CGNL1: variants seen among roughly 807,000 people sequenced by gnomAD.
CGNL1 encodes cingulin-like protein 1.
Under a neutral mutation model 141.2 loss-of-function variants are expected in CGNL1, and 132 were observed. The ratio of observed to expected loss-of-function variants is 0.93; its 90% CI spans 0.81 to 1.08. CGNL1 has a LOEUF of 1.08. Ranked by LOEUF, CGNL1 falls within the 50% of genes least tolerant of loss-of-function variation. CGNL1 has a pLI of 0.00. For missense variants in CGNL1, 1,870 were observed against 1,588.6 expected (o/e 1.18, Z -3.01); for synonymous variants, 690 against 622.1 (o/e 1.11, Z -1.63).
At chr15:57,440,962 G>A (rs1797377539) in intron 3 of CGNL1, among the ~76,000 whole-genome samples, 1 of 151,662 alleles carries the variant, frequency 6.6e-6, no homozygotes, top group Non-Finnish European at 1.5e-5. Flanking sequence ...TGGTTGAGGT[G>A]GAATAATCAG....
At chr15:57,455,874 G>A (rs2063373214) in intron 7 of CGNL1, among the ~76,000 whole-genome samples, 1 of 152,150 alleles carries the variant, frequency 6.6e-6, no homozygotes, top group Non-Finnish European at 1.5e-5. Flanking sequence ...ACAGGAGTGG[G>A]CAATAGCACA....
intron 1 of CGNL1, among the ~76,000 whole-genome samples, chr15:57,398,770 A>G (rs2152245625): frequency 6.6e-6 from 1 of 152,358 alleles, no homozygotes; most frequent in East Asian, 1.9e-4. Flanking sequence ...AAATGTGGGA[A>G]GAGCATTTTG....
At chr15:57,398,568 A>G (rs1370447488) in intron 1 of CGNL1, 1 of 152,190 alleles carries the variant, frequency 6.6e-6, no homozygotes, top group African/African-American at 2.4e-5. Flanking sequence ...CTCCCAGAAA[A>G]GTAGACGCTG....
intron 1 of CGNL1, among the ~76,000 whole-genome samples, chr15:57,418,916 G>T (rs1816826388): frequency 7.4e-6 from 1 of 134,872 alleles, no homozygotes; most frequent in African/African-American, 2.7e-5. Flanking sequence ...GCGTCAGTGG[G>T]TTTCACTGCC....
rs188391921 is a variant in CGNL1 at position 57,384,702 on chromosome 15, A to G, written c.-16+8135A>G. Reference sequence around the variant, plus strand: ...CTTTCTTTTTTAAAAAAATTGCCATAAACTTTCAAACAAACCTTTAAAGAG... The same window carrying G: ...CTTTCTTTTTTAAAAAAATTGCCATGAACTTTCAAACAAACCTTTAAAGAG... On this transcript the variant is annotated intron_variant, in intron 1 of 18. Coordinates refer to ENST00000281282, the MANE Select transcript of CGNL1 (RefSeq NM_032866.5). 2.6e-5 allele frequency among the ~76,000 whole-genome samples: 4 copies of G among 152,312 alleles called. No homozygotes were observed. The East Asian group carries it at 7.7e-4, about 29-fold the overall frequency.
At chr15:57,505,621 CAG>C (rs2064091264) in intron 8 of CGNL1, among the ~76,000 whole-genome samples, 1 of 152,264 alleles carries the variant, frequency 6.6e-6, no homozygotes. Flanking sequence ...CTGTGGGTAC[CAG>C]AGTCAGCCTA....
chr15:57,495,433 G>A (rs1475844722), intron 8 of CGNL1, among the ~76,000 whole-genome samples: 1 of 152,066 alleles, frequency 6.6e-6, no homozygotes, highest in African/African-American at 2.4e-5. Flanking sequence ...ATTCCTCATG[G>A]TTATTACCAG....
chr15:57,523,687 G>T, intron 11 of CGNL1, 46 bp downstream of exon 11: 3 of 1,603,222 alleles, frequency 1.9e-6, no homozygotes, highest in Non-Finnish European at 2.6e-6. Flanking sequence ...AGATGTCTTT[G>T]TTGGACCCAG....
At chr15:57,483,375 C>T (rs2063749917) in intron 8 of CGNL1, among the ~76,000 whole-genome samples, 1 of 151,918 alleles carries the variant, frequency 6.6e-6, no homozygotes. Flanking sequence ...TGCTAGTATA[C>T]AGAAATGCAG....
chr15:57,524,163 T>A (rs2031456311), intron 11 of CGNL1, among the ~76,000 whole-genome samples: 1 of 152,244 alleles, frequency 6.6e-6, no homozygotes, highest in Admixed American at 6.5e-5. Flanking sequence ...TACTAACTAT[T>A]TTGTTTCTAA....
chr15:57,410,117 A>T (rs1010409842), intron 1 of CGNL1, among the ~76,000 whole-genome samples: 1 of 152,206 alleles, frequency 6.6e-6, no homozygotes, highest in Non-Finnish European at 1.5e-5. Context: ...GATCATTTGC[A>T]GTGTGAGGGT....
chr15:57,407,771 A>G (rs1235021565), intron 1 of CGNL1, among the ~76,000 whole-genome samples: 1 of 145,122 alleles, frequency 6.9e-6, no homozygotes, highest in Non-Finnish European at 1.5e-5. Flanking sequence ...TTTTTGAGGC[A>G]GAGTTTCACT....
At chr15:57,503,967 A>C (rs189413396) in intron 8 of CGNL1, among the ~76,000 whole-genome samples, 23 of 152,186 alleles carry the variant, frequency 1.5e-4, no homozygotes, top group African/African-American at 5.1e-4. Context: ...TCAGGGTGGT[A>C]TGGGTATTCA....
At chr15:57,442,539 C>CAAGT in intron 4 of CGNL1, 61 bp downstream of exon 4, 1 of 1,034,148 alleles carries the variant, frequency 9.7e-7, no homozygotes, top group Non-Finnish European at 1.5e-6. Context: ...AAACAACTTG[C>CAAGT]TGTTTCTTCA....
chr15:57,383,613 TTTCTTTTCTTTTCTTTTC>T (rs1334298537), intron 1 of CGNL1, among the ~76,000 whole-genome samples: 5 of 119,424 alleles, frequency 4.2e-5, no homozygotes, highest in African/African-American at 1.9e-4. Flanking sequence ...TTTCTTTTCT[TTTCTTTTCTTTTCTTTTC>T]TTTTTTTTTT....
chr15:57,514,195 A>G (rs1463723692), intron 8 of CGNL1, among the ~76,000 whole-genome samples: 2 of 152,016 alleles, frequency 1.3e-5, no homozygotes, highest in East Asian at 1.9e-4. Flanking sequence ...TCTGTCACCC[A>G]AGTTGGAGTG....
At chr15:57,508,078 C>T (rs1340448529) in intron 8 of CGNL1, among the ~76,000 whole-genome samples, 1 of 152,170 alleles carries the variant, frequency 6.6e-6, no homozygotes, top group Non-Finnish European at 1.5e-5. Flanking sequence ...TCAACTCTTC[C>T]TTGGAAATAT....
chr15:57,462,673 A>C (rs906205906), intron 8 of CGNL1, among the ~76,000 whole-genome samples: 1 of 152,248 alleles, frequency 6.6e-6, no homozygotes, highest in Admixed American at 6.5e-5. Flanking sequence ...TTACAGTGAC[A>C]GCTCAGAGTT....
intron 7 of CGNL1, among the ~76,000 whole-genome samples, chr15:57,458,929 A>G (rs570035688): frequency 6.6e-6 from 1 of 152,328 alleles, no homozygotes; most frequent in African/African-American, 2.4e-5. Context: ...GCAAAATCTT[A>G]GTCTGTGCAA....
Sources: gnomAD v4.1 joint callset for allele counts (sites outside exome capture counted in the v4.1 genomes callset) on GRCh38, gnomAD v4.1.1 for gene constraint, MANE v1.5 for transcripts, NCBI Gene and HGNC (gene_info 2026-07-23, HGNC 2026-07-21) for gene names.